Variants in PRKG1 observed in about 807,000 individuals in gnomAD.
PRKG1 encodes the protein protein kinase cGMP-dependent 1.
PRKG1 carries 35 observed loss-of-function variants against 88.1 expected under a neutral mutation model. The ratio of observed to expected loss-of-function variants is 0.40; its 90% confidence interval spans 0.30 to 0.53. The LOEUF is 0.53. Ranked by LOEUF, PRKG1 falls within the 20% of genes least tolerant of loss-of-function variation. The probability of loss-of-function intolerance (pLI) is 0.59; values close to 1 mark genes in which losing one functional copy is unlikely to be tolerated. For synonymous variants in PRKG1, 303 were observed against 292.5 expected, an observed-to-expected ratio of 1.04 and a Z score of -0.37; for missense variants, 540 against 839.8, an observed-to-expected ratio of 0.64 and a Z score of 4.41.
intron 3 of PRKG1, among the ~76,000 whole-genome samples, chr10:51,769,368 A>G (rs1838247298): frequency 6.6e-6 from 1 of 152,218 alleles, no homozygotes; most frequent in African/African-American, 2.4e-5. Flanking sequence ...CTGAGTGTCT[A>G]CATGGTAGAA....
intron 3 of PRKG1, among the ~76,000 whole-genome samples, chr10:51,781,871 A>G (rs1174478979): frequency 6.6e-6 from 1 of 151,898 alleles, no homozygotes; most frequent in Non-Finnish European, 1.5e-5. Context: ...TATGTCTGCA[A>G]TATTGGGCAA....
intron 8 of PRKG1, among the ~76,000 whole-genome samples, chr10:52,157,387 A>G (rs1051087683): frequency 4.8e-5 from 7 of 147,354 alleles, no homozygotes; most frequent in Non-Finnish European, 9.0e-5. Context: ...TTTAAATGCT[A>G]TGATTTTTTA....
At chr10:51,480,613 T>C (rs1203182495) in intron 3 of PRKG1, among the ~76,000 whole-genome samples, 1 of 152,090 alleles carries the variant, frequency 6.6e-6, no homozygotes, top group African/African-American at 2.4e-5. Context: ...CTAACAGCCT[T>C]TTGGGTATGA....
intron 9 of PRKG1, among the ~76,000 whole-genome samples, chr10:52,188,229 TGTATATATATAC>T (rs1294890157): frequency 0.012 from 594 of 49,988 alleles, 17 homozygotes; most frequent in African/African-American, 0.037. Context: ...TATATACATA[TGTATATATATAC>T]ATATATATGT....
In PRKG1 at chr10:50,991,011, G is replaced by A. The variant is rs553851062; in HGVS notation, c.-368G>A. 1.0e-5 allele frequency: 2 copies of A among 192,476 alleles called. No homozygotes were observed. Among genetic ancestry groups the A allele is most frequent in the African/African-American group, 4.9e-5 (2 of 41,194 alleles). 11.9% of individuals were successfully genotyped at this position (192,476 alleles called of 1,614,324 possible). On this transcript the variant is annotated 5_prime_UTR_variant, in exon 1 of 18. Coordinates refer to the PRKG1 transcript ENST00000401604. The surrounding 1 kb of genome is among the most constrained non-coding windows in gnomAD (Gnocchi z 4.5). ...TGGGGTGGCGCGCGCGTATTCTCAC[G>A]GAGTGACTAGGAGAGGGGGACGAGG... is the stretch of plus-strand genomic sequence containing the variant.
At chr10:51,565,250 T>G (rs1264785465) in intron 3 of PRKG1, among the ~76,000 whole-genome samples, 1 of 152,072 alleles carries the variant, frequency 6.6e-6, no homozygotes, top group East Asian at 1.9e-4. Context: ...AAAGCCTTTC[T>G]CTTGAGTTTT....
chr10:51,807,865 A>G (rs917486457), intron 4 of PRKG1, among the ~76,000 whole-genome samples: 1 of 152,148 alleles, frequency 6.6e-6, no homozygotes, highest in Non-Finnish European at 1.5e-5. Context: ...TCTAGTTTCT[A>G]TGGCTTGCCT....
chr10:51,618,223 C>T (rs960359432), intron 3 of PRKG1, among the ~76,000 whole-genome samples: 1 of 152,194 alleles, frequency 6.6e-6, no homozygotes, highest in Non-Finnish European at 1.5e-5. Context: ...GTTTATACCA[C>T]AGTTGGCCTA....
chr10:51,134,214 T>C (rs1468671538), intron 1 of PRKG1, among the ~76,000 whole-genome samples: 1 of 152,220 alleles, frequency 6.6e-6, no homozygotes, highest in Non-Finnish European at 1.5e-5. Context: ...AAGGATTTAA[T>C]GTGCCAGATG....
At chr10:52,087,395 T>TAAA (rs1302449267) in intron 7 of PRKG1, among the ~76,000 whole-genome samples, 2 of 152,196 alleles carry the variant, frequency 1.3e-5, no homozygotes, top group South Asian at 4.1e-4. Flanking sequence ...TAAGGTTTCT[T>TAAA]ATCTATTAGA....
chr10:51,192,253 C>A (rs1003868895), intron 2 of PRKG1, among the ~76,000 whole-genome samples: 2 of 151,700 alleles, frequency 1.3e-5, no homozygotes, highest in African/African-American at 4.8e-5. Flanking sequence ...GCTTTATTTG[C>A]CATTTTGAAA....
upstream of PRKG1, among the ~76,000 whole-genome samples, chr10:51,069,867 G>A (rs1843801630): frequency 6.6e-6 from 1 of 152,090 alleles, no homozygotes; most frequent in African/African-American, 2.4e-5. Context: ...ACAATTTCAA[G>A]CAATTTTAGG....
At chr10:51,705,579 G>T (rs979217668) in intron 3 of PRKG1, among the ~76,000 whole-genome samples, 9 of 152,140 alleles carry the variant, frequency 5.9e-5, no homozygotes, top group African/African-American at 2.2e-4. Flanking sequence ...CCTAACAATG[G>T]ACTCACTCAA....
chr10:51,275,189 C>T (rs1272271793), intron 2 of PRKG1, among the ~76,000 whole-genome samples: 1 of 152,210 alleles, frequency 6.6e-6, no homozygotes, highest in African/African-American at 2.4e-5. Context: ...AAATAAAGTC[C>T]TATGTTTTTT....
intron 4 of PRKG1, among the ~76,000 whole-genome samples, chr10:51,872,273 C>G (rs1447772716): frequency 6.6e-6 from 1 of 152,074 alleles, no homozygotes; most frequent in Non-Finnish European, 1.5e-5. Context: ...ATTTTTTTGC[C>G]TTAGTTTCCC....
chr10:52,179,189 A>T (rs1838945593), intron 9 of PRKG1, among the ~76,000 whole-genome samples: 1 of 150,584 alleles, frequency 6.6e-6, no homozygotes, highest in South Asian at 2.1e-4. Context: ...GGTGACTTTT[A>T]TAGTGTTGCA....
intron 5 of PRKG1, among the ~76,000 whole-genome samples, chr10:51,936,094 C>A: frequency 6.6e-6 from 1 of 151,794 alleles, no homozygotes; most frequent in East Asian, 1.9e-4. Flanking sequence ...TGTTTCCCTC[C>A]CTTTTTAAAT....
At chr10:51,925,146 G>C (rs941909165) in intron 5 of PRKG1, among the ~76,000 whole-genome samples, 1 of 151,086 alleles carries the variant, frequency 6.6e-6, no homozygotes, top group East Asian at 1.9e-4. Flanking sequence ...TTGAAATTTG[G>C]GTATGATGTT....
chr10:51,393,276 A>T (rs866914273), intron 2 of PRKG1, among the ~76,000 whole-genome samples: 16 of 151,424 alleles, frequency 1.1e-4, no homozygotes, highest in Non-Finnish European at 1.0e-4. Flanking sequence ...TGCTGGGCAG[A>T]GACGCTCCTC....
Sources: allele counts gnomAD v4.1 joint callset (sites outside exome capture counted in the v4.1 genomes callset), GRCh38; gene constraint gnomAD v4.1.1; non-coding constraint Gnocchi (gnomAD v3.1); transcripts MANE v1.5; gene names NCBI Gene and HGNC (gene_info 2026-07-23, HGNC 2026-07-21).